The following ALDH1A3 variants were observed in gnomAD, a reference collection of about 807,000 sequenced individuals.
ALDH1A3 encodes aldehyde dehydrogenase 1 family member A3.
ALDH1A3 carries 28 observed loss-of-function variants against 57.5 expected under a neutral mutation model. The observed-to-expected ratio is 0.49, with a 90% CI of 0.36 to 0.67. The LOEUF (loss-of-function observed/expected upper bound fraction) is 0.67, where lower values mean the gene tolerates loss of function less well. ALDH1A3 is among the 30% of genes least tolerant of loss of function. The probability of loss-of-function intolerance (pLI) is 0.00; values close to 1 mark genes in which losing one functional copy is unlikely to be tolerated. For missense variants in ALDH1A3, 507 were observed against 669.4 expected, an observed-to-expected ratio of 0.76 and a Z score of 2.68; for synonymous variants, 281 against 264.8, an observed-to-expected ratio of 1.06 and a Z score of -0.59.
At position 100,887,510 on chromosome 15, in the gene ALDH1A3, G is replaced by A; in HGVS notation, c.205-62G>A. The stretch of plus-strand genomic sequence containing the variant: ...CCAAACTTCAGTCACGTCAAAAGAT[G>A]ACACCCAAACTGCAGTCACGTCAAA... On this transcript the variant is annotated intron_variant, in intron 2 of 12. Coordinates refer to ENST00000329841, the MANE Select transcript of ALDH1A3 (RefSeq NM_000693.4). The surrounding 1 kb of genome is among the most constrained non-coding windows in gnomAD (Gnocchi z 4.6). 1 of 1,461,018 alleles carries A rather than the reference G, an allele frequency of 6.8e-7. No individual in the cohort carries two copies. The allele number at this position is 1,461,018 out of a possible 1,614,324, so 90.5% of individuals were successfully genotyped here.
chr15:100,915,863 C>T lies in ALDH1A3; in HGVS notation c.*1090C>T, dbSNP rs1487127701. Reference sequence around the variant, plus strand: ...TCTATGGAGGACCTCGGTCTTCATCCAAGTGGCCTGAGTATTTCACTGGCA... The same window carrying T: ...TCTATGGAGGACCTCGGTCTTCATCTAAGTGGCCTGAGTATTTCACTGGCA... On this transcript the variant is annotated 3_prime_UTR_variant, in exon 13 of 13. Coordinates refer to ENST00000329841, the MANE Select transcript of ALDH1A3 (RefSeq NM_000693.4). 1 of 152,212 alleles carries T rather than the reference C, an allele frequency of 6.6e-6. No individual in the cohort carries two copies. The highest frequency in any genetic ancestry group is 2.4e-5 in the African/African-American group (1 of 41,448). 9.4% of individuals were successfully genotyped at this position (152,212 alleles called of 1,614,324 possible). A position where few individuals can be genotyped will look rare whatever the true frequency, so the allele number is the denominator to read the frequency against.
rs573213217 is a variant in ALDH1A3 at position 100,897,862 on chromosome 15, G to A, written c.781-221G>A. On this transcript the variant is annotated intron_variant, in intron 7 of 12. Coordinates refer to ENST00000329841, the MANE Select transcript of ALDH1A3 (RefSeq NM_000693.4). ...TCTAACTCACACCTGTAAGTGGAGC[G>A]GCTTAGACCAAGGATCCCAGGATGT... Among the ~76,000 whole-genome samples, 8 of 152,302 alleles carry A rather than the reference G, an allele frequency of 5.3e-5. No homozygotes were observed. The South Asian group carries it at 6.2e-4, about 12-fold the overall frequency.
Position 100,895,977 on chromosome 15 carries a change from GC to G in ALDH1A3, c.714del (p.Thr239GlnfsTer36). The G allele has an allele frequency of 6.2e-7, 1 of 1,613,744 alleles. No homozygotes were observed. The highest frequency in any genetic ancestry group is 8.5e-7 in the Non-Finnish European group (1 of 1,179,846). ...GVVNIVPGFG[P>X]TVGAAISSHP... ...TGGTGAACATTGTGCCAGGATTCGG[GC>G]CCACAGTGGGAGCAGCAATTTCTTC... On this transcript the variant is annotated frameshift_variant, in exon 7 of 13. Transcript: ENST00000329841. LOFTEE classifies it high-confidence loss of function.
intron 1 of ALDH1A3, among the ~76,000 whole-genome samples, chr15:100,884,741 A>G (rs1212966438): frequency 6.6e-6 from 1 of 152,114 alleles, no homozygotes; most frequent in Non-Finnish European, 1.5e-5. Flanking sequence ...GTGAAAACTG[A>G]AGGGCGATGG....
chr15:100,883,290 C>A (rs1041796103), intron 1 of ALDH1A3, among the ~76,000 whole-genome samples: 1 of 152,198 alleles, frequency 6.6e-6, no homozygotes, highest in Non-Finnish European at 1.5e-5. Flanking sequence ...CTTTCCTCCC[C>A]GCACTAACTT....
chr15:100,908,713 G>C (rs2041851397), intron 12 of ALDH1A3, among the ~76,000 whole-genome samples: 1 of 152,106 alleles, frequency 6.6e-6, no homozygotes, highest in Non-Finnish European at 1.5e-5. Flanking sequence ...CGGCTTTTGT[G>C]TCTGCCCAGC....
intron 9 of ALDH1A3, 86 bp from the exon 10 acceptor site, chr15:100,905,437 G>A (rs1054890749): frequency 2.0e-4 from 298 of 1,520,728 alleles, no homozygotes; most frequent in Non-Finnish European, 2.4e-4. Context: ...GAGGATGGCT[G>A]ATCATGTTGA....
At chr15:100,909,657 T>A (rs2041864265) in intron 12 of ALDH1A3, among the ~76,000 whole-genome samples, 1 of 152,242 alleles carries the variant, frequency 6.6e-6, no homozygotes, top group South Asian at 2.1e-4. Flanking sequence ...TCCTGCCTGC[T>A]GGGAAAATGA....
At position 100,893,090 on chromosome 15, in the gene ALDH1A3, T is replaced by C. The variant is rs1596124859; in HGVS notation, c.537+84T>C. ...TCCTTTGGAATCAATTTCTGGTGTG[T>C]TTTTATCTGATTGCACCAGCGTTGA... On this transcript the variant is annotated intron_variant, in intron 5 of 12. Transcript: ENST00000329841. The surrounding 1 kb of genome is among the most constrained non-coding windows in gnomAD (Gnocchi z 4.8). The C allele has an allele frequency of 7.8e-7, 1 of 1,287,278 alleles. No homozygotes were observed. The highest frequency in any genetic ancestry group is 2.3e-5 in the East Asian group (1 of 42,862). 79.7% of individuals were successfully genotyped at this position (1,287,278 alleles called of 1,614,324 possible). A position where few individuals can be genotyped will look rare whatever the true frequency, so the allele number is the denominator to read the frequency against.
At chr15:100,885,523 T>A in intron 2 of ALDH1A3, 152 bp downstream of exon 2, 1 of 612,662 alleles carries the variant, frequency 1.6e-6, no homozygotes, top group Non-Finnish European at 2.9e-6. Context: ...TTCTCAGACG[T>A]GTGGCACAGA....
intron 3 of ALDH1A3, among the ~76,000 whole-genome samples, chr15:100,890,658 C>T (rs989167296): frequency 9.9e-5 from 15 of 152,172 alleles, no homozygotes; most frequent in African/African-American, 3.4e-4. Context: ...TGTCCTAGGT[C>T]ACCCAGCCAG....
At chr15:100,908,345 G>A (rs920204189) in intron 11 of ALDH1A3, 63 bp from the exon 12 acceptor site, 2 of 1,387,870 alleles carry the variant, frequency 1.4e-6, no homozygotes, top group Admixed American at 1.7e-5. Flanking sequence ...CTAAGTGGCT[G>A]CAGTGCCAGG....
At chr15:100,900,550 G>C (rs117381623) in intron 8 of ALDH1A3, 25 bp from the exon 9 acceptor site, 1 of 1,556,190 alleles carries the variant, frequency 6.4e-7, no homozygotes. Flanking sequence ...CGCTCTGCCC[G>C]CCTCCCTCGC....
chr15:100,914,990 C>T lies in ALDH1A3; in HGVS notation c.*217C>T. ...GTTGTCTGTGAAATCGCAGTCCTGC[C>T]TGGGGAGGGAGCTGTTGGCCATTTC... On this transcript the variant is annotated 3_prime_UTR_variant, in exon 13 of 13. Coordinates refer to ENST00000329841, the MANE Select transcript of ALDH1A3 (RefSeq NM_000693.4). 1 of 558,628 alleles carries T rather than the reference C, an allele frequency of 1.8e-6. No individual in the cohort carries two copies. Among genetic ancestry groups the T allele is most frequent in the South Asian group, 2.2e-5 (1 of 45,608 alleles). 34.6% of individuals were successfully genotyped at this position (558,628 alleles called of 1,614,324 possible).
At position 100,893,898 on chromosome 15, in the gene ALDH1A3, T is replaced by C; in HGVS notation, c.538-56T>C. ...CTCCACAAAGGCATCGTTGAGCACATGGGACAGGGTAAGAGGGTGGATCTG... is the reference window on the plus strand; with the variant it reads ...CTCCACAAAGGCATCGTTGAGCACACGGGACAGGGTAAGAGGGTGGATCTG... On this transcript the variant is annotated intron_variant, in intron 5 of 12. Coordinates refer to ENST00000329841, the MANE Select transcript of ALDH1A3 (RefSeq NM_000693.4). This position sits in a 1 kb window ranked among gnomAD's most constrained non-coding sequence, Gnocchi z 4.8. The C allele has an allele frequency of 6.3e-7, 1 of 1,580,626 alleles. No individual in the cohort carries two copies.
rs187314321 is a variant in ALDH1A3, at chr15:100,901,114, C to T, written c.1068+355C>T. Among the ~76,000 whole-genome samples the T allele has an allele frequency of 1.1e-4, 16 of 152,182 alleles. No homozygotes were observed. The East Asian group carries it at 2.3e-3, about 22-fold the overall frequency. The stretch of plus-strand genomic sequence containing the variant: ...GTGGCCTGGAGTCTCAGTCGCAGCC[C>T]GAGGCCCTCAAGCCCACGTGGGTTA... On this transcript the variant is annotated intron_variant, in intron 9 of 12. Coordinates refer to ENST00000329841, the MANE Select transcript of ALDH1A3 (RefSeq NM_000693.4).
chr15:100,882,737 CA>C (rs2041557800), intron 1 of ALDH1A3, among the ~76,000 whole-genome samples: 1 of 152,220 alleles, frequency 6.6e-6, no homozygotes, highest in Non-Finnish European at 1.5e-5. Flanking sequence ...TGCTAATCCA[CA>C]AATCAAAGAC....
At chr15:100,896,720 G>C (rs1176791701) in intron 7 of ALDH1A3, among the ~76,000 whole-genome samples, 4 of 152,144 alleles carry the variant, frequency 2.6e-5, no homozygotes, top group Admixed American at 1.3e-4. Context: ...AAACTACTTA[G>C]AGAAATTTTC....
At position 100,887,562 on chromosome 15, in the gene ALDH1A3, G is replaced by T. The variant is rs2041608685; in HGVS notation, c.205-10G>T. ...GATGACAGTCTCTCTCTGTTGTTCT[G>T]GTCGCTCAGCCCGACGTGGACAAGG... is the stretch of plus-strand genomic sequence containing the variant. On this transcript the variant is annotated splice_polypyrimidine_tract_variant and intron_variant, in intron 2 of 12. Coordinates refer to ENST00000329841, the MANE Select transcript of ALDH1A3 (RefSeq NM_000693.4). The surrounding 1 kb of genome is among the most constrained non-coding windows in gnomAD (Gnocchi z 4.6). 2.5e-6 allele frequency: 4 copies of T among 1,573,002 alleles called. No individual in the cohort carries two copies. The highest frequency in any genetic ancestry group is 3.5e-6 in the Non-Finnish European group (4 of 1,157,202).
Sources: gnomAD v4.1 joint callset for allele counts (sites outside exome capture counted in the v4.1 genomes callset) on GRCh38, gnomAD v4.1.1 for gene constraint, Gnocchi (gnomAD v3.1) non-coding constraint, MANE v1.5 for transcripts, NCBI Gene and HGNC (gene_info 2026-07-23, HGNC 2026-07-21) for gene names.